The following TPCN2 variants were observed in gnomAD, a reference collection of about 807,000 sequenced individuals.
The protein encoded by TPCN2 is two pore channel protein 2.
A neutral mutation model predicts 111.4 loss-of-function variants in TPCN2; 92 were observed. The observed-to-expected ratio is 0.83, with a 90% CI of 0.70 to 0.98. The LOEUF is 0.98. Among genes scored for constraint, TPCN2 ranks in the 50% least tolerant of loss-of-function variants. TPCN2 has a pLI of 0.00. For missense variants in TPCN2, 995 were observed against 980.1 expected (o/e 1.02, Z -0.20); for synonymous variants, 405 against 414.5 (o/e 0.98, Z 0.28).
intron 24 of TPCN2, 74 bp from the exon 25 acceptor site, chr11:69,087,801 C>T (rs1856344292): frequency 8.0e-7 from 1 of 1,252,510 alleles, no homozygotes; most frequent in Non-Finnish European, 1.1e-6. Flanking sequence ...AAGCTCTGCT[C>T]CCTTGTTCTT....
rs1295719806 is a variant in TPCN2, at chr11:69,085,906, A to G, written c.1979A>G (p.Asp660Gly). The stretch of plus-strand genomic sequence containing the variant: ...GTGAACAACTGGCAGGTGTTTCTGG[A>G]TGCATATCGGCGCTACTCAGGCCCG... ...MVVNNWQVFLDAYRRYSGPWS... is the reference protein window; with the variant it reads ...MVVNNWQVFLGAYRRYSGPWS... The change falls in exon 22 of 25, where the codon GAT becomes GGT. Residue 660 changes from aspartate to glycine, a missense_variant. By Grantham distance (94) the Asp-to-Gly change is moderately conservative. Transcript: ENST00000294309. 1.5e-5 allele frequency: 25 copies of G among 1,614,116 alleles called. No individual in the cohort carries two copies. Among genetic ancestry groups the G allele is most frequent in the Non-Finnish European group, 2.1e-5 (25 of 1,180,010 alleles).
intron 4 of TPCN2, among the ~76,000 whole-genome samples, chr11:69,055,925 G>A (rs1045457023): frequency 6.6e-6 from 1 of 152,218 alleles, no homozygotes; most frequent in Non-Finnish European, 1.5e-5. Flanking sequence ...GGGGCAGAAA[G>A]GGGTTTCTTA....
At chr11:69,085,788 C>T (rs751833884) in intron 21 of TPCN2, 36 bp downstream of exon 21, 23 of 1,612,674 alleles carry the variant, frequency 1.4e-5, no homozygotes, top group East Asian at 4.5e-5. Flanking sequence ...CCCTGCTCCC[C>T]GGGCTCCTCC....
At chr11:69,080,929 T>A (rs1163076978) in intron 17 of TPCN2, among the ~76,000 whole-genome samples, 3 of 151,820 alleles carry the variant, frequency 2.0e-5, no homozygotes, top group Non-Finnish European at 4.4e-5. Flanking sequence ...GGGGCTTGGG[T>A]CAGGGATGGG....
intron 17 of TPCN2, among the ~76,000 whole-genome samples, chr11:69,081,141 C>T (rs991390680): frequency 2.6e-5 from 4 of 151,676 alleles, no homozygotes; most frequent in African/African-American, 7.3e-5. Flanking sequence ...GCAGCCTTCC[C>T]GCAAGGGCTG....
At chr11:69,058,396 AGCACCTGGAG>A (rs1206830263) in intron 5 of TPCN2, among the ~76,000 whole-genome samples, 1 of 151,888 alleles carries the variant, frequency 6.6e-6, no homozygotes, top group Non-Finnish European at 1.5e-5. Flanking sequence ...GGGGGTTGTT[AGCACCTGGAG>A]GCCCAAGGGA....
chr11:69,089,260 CAAT>C lies in TPCN2; in HGVS notation c.*1310_*1312del, dbSNP rs1856376435. 6.6e-6 allele frequency: 1 copy of C among 152,164 alleles called. No homozygotes were observed. The highest frequency in any genetic ancestry group is 6.5e-5 in the Admixed American group (1 of 15,278). 9.4% of individuals were successfully genotyped at this position (152,164 alleles called of 1,614,324 possible). ...TGTTGAATAATAACAATAACAATAA[CAAT>C]AACAATATGGAAACCACCGCAAACT... On this transcript the variant is annotated 3_prime_UTR_variant, in exon 25 of 25. Transcript: ENST00000294309.
At chr11:69,086,493 G>A in intron 22 of TPCN2, 30 bp from the exon 23 acceptor site, 2 of 1,601,024 alleles carry the variant, frequency 1.2e-6, no homozygotes, top group East Asian at 2.2e-5. Context: ...GCTCATCGTG[G>A]TTCACAGGGT....
Position 69,062,879 on chromosome 11 carries a change from T to C in TPCN2, c.547-5T>C, listed in dbSNP as rs1590716770. 6.2e-7 allele frequency: 1 copy of C among 1,613,730 alleles called. No homozygotes were observed. The highest frequency in any genetic ancestry group is 1.3e-5 in the African/African-American group (1 of 75,032). ...GTGGTCCTCAGTTTCCTGGGTCTCT[T>C]CCAGCCCCTGCGGATCCGCCGGCTT... On this transcript the variant is annotated splice_polypyrimidine_tract_variant and splice_region_variant and intron_variant, in intron 5 of 24. Transcript: ENST00000294309.
chr11:69,070,987 A>G (rs1295837656), intron 9 of TPCN2, among the ~76,000 whole-genome samples: 2 of 80,890 alleles, frequency 2.5e-5, no homozygotes, highest in African/African-American at 5.0e-5. Flanking sequence ...GGTTCACCCC[A>G]GGGATCCCCC....
intron 13 of TPCN2, among the ~76,000 whole-genome samples, chr11:69,075,053 C>T (rs1473254340): frequency 6.6e-6 from 1 of 152,182 alleles, no homozygotes; most frequent in Non-Finnish European, 1.5e-5. Context: ...TGTGTGCGCA[C>T]AGGAGTGGGG....
Position 69,062,909 on chromosome 11 carries a change from G to A in TPCN2, c.572G>A (p.Arg191His), listed in dbSNP as rs1303455703. The A allele has an allele frequency of 1.2e-6, 2 of 1,613,950 alleles. No individual in the cohort carries two copies. The highest frequency in any genetic ancestry group is 1.7e-6 in the Non-Finnish European group (2 of 1,179,904). Residue 191 changes from arginine (R) to histidine (H), a missense_variant, in exon 6 of 25, where the codon CGT becomes CAT. Coordinates refer to ENST00000294309, the MANE Select transcript of TPCN2 (RefSeq NM_139075.4). Reference protein sequence around the residue: ...HEPLRIRRLLRPFFLLQNSSM... With the variant: ...HEPLRIRRLLHPFFLLQNSSM... ...CCCCTGCGGATCCGCCGGCTTCTCC[G>A]TCCCTTCTTCCTGCTGCAGAACTCC...
chr11:69,065,027 CTGTG>C lies in TPCN2; in HGVS notation c.726+1065_726+1068del, dbSNP rs1033787564. On this transcript the variant is annotated intron_variant, in intron 7 of 24. Coordinates refer to ENST00000294309, the MANE Select transcript of TPCN2 (RefSeq NM_139075.4). ...GTCTGTGTGCATGGTGTCTGTATGT[CTGTG>C]TGTGCGTGTGGTGTCGTGTGTGTGG... Among the ~76,000 whole-genome samples the C allele has an allele frequency of 6.5e-5, 9 of 138,526 alleles. No individual in the cohort carries two copies. In the South Asian group the frequency reaches 7.5e-4, roughly 11 times the overall value. The allele number at this position is 138,526 out of a possible 152,430, so 90.9% of individuals were successfully genotyped here.
chr11:69,078,674 T>A, intron 14 of TPCN2, 60 bp from the exon 15 acceptor site: 1 of 1,613,292 alleles, frequency 6.2e-7, no homozygotes. Flanking sequence ...AGCCTGCCCC[T>A]CCTGCCTCGC....
rs777894328 is a variant in TPCN2, at chr11:69,054,768, C to G, written c.222C>G (p.Tyr74Ter). ...HRVDASSMWL[Y>*]RRYYSNVCQR... ...TGGATGCCAGCTCGATGTGGCTTTA[C>G]CGACGGTATTACTCGAACGTATGCC... Residue 74 changes from tyrosine to a stop codon, truncating the protein, a stop_gained, in exon 3 of 25, where the codon TAC (tyrosine) becomes TAG (stop). Transcript: ENST00000294309. LOFTEE classifies it high-confidence loss of function. The G allele has an allele frequency of 4.3e-6, 7 of 1,614,192 alleles. No individual in the cohort carries two copies. The highest frequency in any genetic ancestry group is 5.1e-6 in the Non-Finnish European group (6 of 1,180,024).
Position 69,078,410 on chromosome 11 carries a change from T to G in TPCN2, c.1231-72T>G, listed in dbSNP as rs867879891. 2.5e-6 allele frequency: 4 copies of G among 1,586,472 alleles called. No homozygotes were observed. In the Middle Eastern group the frequency reaches 5.2e-4, roughly 204 times the overall value. On this transcript the variant is annotated intron_variant, in intron 13 of 24. Coordinates refer to ENST00000294309, the MANE Select transcript of TPCN2 (RefSeq NM_139075.4). ...AAAATCAAATCCCAGAATAAGAGGG[T>G]GTGAGCATTTTTGGGCTGCAACAGC...
intron 2 of TPCN2, 61 bp downstream of exon 2, chr11:69,054,158 C>T: frequency 9.6e-6 from 14 of 1,455,960 alleles, no homozygotes; most frequent in Non-Finnish European, 1.2e-5. Context: ...GATTGGCTCG[C>T]CCCTCCAGGG....
rs1856221948 is a variant in TPCN2, at chr11:69,085,291, G to T, written c.1838+5G>T. The stretch of plus-strand genomic sequence containing the variant: ...GGCTCTTCCTGGAAACAGCAGGTGA[G>T]GTGGGGTCCGAGGTGCCACAGGGAG... On this transcript the variant is annotated splice_donor_5th_base_variant and intron_variant, in intron 20 of 24. Coordinates refer to ENST00000294309, the MANE Select transcript of TPCN2 (RefSeq NM_139075.4). The T allele has an allele frequency of 6.2e-7, 1 of 1,613,964 alleles. No individual in the cohort carries two copies. The highest frequency in any genetic ancestry group is 8.5e-7 in the Non-Finnish European group (1 of 1,179,902).
At chr11:69,074,927 T>C (rs910666618) in intron 13 of TPCN2, among the ~76,000 whole-genome samples, 13 of 152,174 alleles carry the variant, frequency 8.5e-5, no homozygotes, top group African/African-American at 1.4e-4. Context: ...GAGCTGACTC[T>C]CCCACCCTTT....
Sources: allele counts gnomAD v4.1 joint callset (sites outside exome capture counted in the v4.1 genomes callset), GRCh38; gene constraint gnomAD v4.1.1; transcripts MANE v1.5; gene names NCBI Gene and HGNC (gene_info 2026-07-23, HGNC 2026-07-21).